The following EGFR variants were observed in gnomAD, a reference collection of about 807,000 sequenced individuals.
EGFR encodes the protein avian erythroblastic leukemia viral (v-erb-b) oncogene homolog.
Under a neutral mutation model 143.0 loss-of-function variants are expected in EGFR, and 58 were observed. The observed-to-expected ratio is 0.41, with a 90% confidence interval of 0.33 to 0.50. The LOEUF is 0.50. Among genes scored for constraint, EGFR ranks in the 20% least tolerant of loss-of-function variants. The pLI is 0.39. For synonymous variants in EGFR, 613 were observed against 594.4 expected, an observed-to-expected ratio of 1.03 and a Z score of -0.45; for missense variants, 1,307 against 1,579.0, an observed-to-expected ratio of 0.83 and a Z score of 2.92.
At chr7:55,040,767 C>T (rs547394577) in intron 1 of EGFR, among the ~76,000 whole-genome samples, 1 of 152,156 alleles carries the variant, frequency 6.6e-6, no homozygotes, top group South Asian at 2.1e-4. Context: ...TATAGAAACA[C>T]AAGAAAATTT....
At chr7:55,145,626 A>G (rs1794721606) in intron 3 of EGFR, among the ~76,000 whole-genome samples, 1 of 152,198 alleles carries the variant, frequency 6.6e-6, no homozygotes, top group African/African-American at 2.4e-5. Context: ...GGTACTCTGT[A>G]CACACAACAT....
chr7:55,182,826 A>G (rs555266375), intron 20 of EGFR, among the ~76,000 whole-genome samples: 1 of 152,134 alleles, frequency 6.6e-6, no homozygotes, highest in Non-Finnish European at 1.5e-5. Flanking sequence ...ACAGAGTAGA[A>G]CACTCCTATC....
At chr7:55,132,463 TA>T (rs1044607559) in intron 1 of EGFR, among the ~76,000 whole-genome samples, 6 of 152,066 alleles carry the variant, frequency 3.9e-5, no homozygotes, top group African/African-American at 1.4e-4. Context: ...TGGGAAGGCA[TA>T]AAAAAAAGAA....
rs1785386249 is a variant in EGFR at position 55,155,879 on chromosome 7, C to T, written c.939C>T (p.Ala313=). ...GCTCGTGCGTCCGAGCCTGTGGGGCCGACAGCTATGAGATGGAGGAAGACG... is the reference window on the plus strand; with the variant it reads ...GCTCGTGCGTCCGAGCCTGTGGGGCTGACAGCTATGAGATGGAGGAAGACG... ...DHGSCVRACG[A]DSYEMEEDGV... The change falls in exon 8 of 28, where the codon GCC becomes GCT. Residue 313 remains alanine (A), a synonymous_variant. Transcript: ENST00000275493. 3 of 1,613,896 alleles carry T rather than the reference C, an allele frequency of 1.9e-6. No individual in the cohort carries two copies. Among genetic ancestry groups the T allele is most frequent in the Non-Finnish European group, 1.7e-6 (2 of 1,180,032 alleles).
intron 1 of EGFR, among the ~76,000 whole-genome samples, chr7:55,108,506 C>T (rs1023169358): frequency 1.3e-5 from 2 of 152,144 alleles, no homozygotes; most frequent in Admixed American, 6.5e-5. Context: ...AATCTGTGGT[C>T]AGAGGTTTGT....
At chr7:55,046,019 C>T (rs1322813596) in intron 1 of EGFR, among the ~76,000 whole-genome samples, 35 of 152,152 alleles carry the variant, frequency 2.3e-4, no homozygotes, top group South Asian at 6.2e-4. Flanking sequence ...TTAAATAAAA[C>T]AGGAGATTAA....
rs566001525 is a variant in EGFR at position 55,155,855 on chromosome 7, C to T, written c.915C>T (p.Gly305=). ...GTAATTATGTGGTGACAGATCACGG[C>T]TCGTGCGTCCGAGCCTGTGGGGCCG... is the stretch of plus-strand genomic sequence containing the variant. ...CPRNYVVTDH[G]SCVRACGADS... Residue 305 remains glycine (G), a synonymous_variant, in exon 8 of 28, where the codon GGC becomes GGT. Transcript: ENST00000275493. The T allele has an allele frequency of 1.8e-5, 29 of 1,613,996 alleles. No homozygotes were observed. In the South Asian group the frequency reaches 3.0e-4, roughly 16 times the overall value.
intron 1 of EGFR, among the ~76,000 whole-genome samples, chr7:55,046,598 A>G (rs537343842): frequency 1.1e-4 from 17 of 152,300 alleles, no homozygotes; most frequent in African/African-American, 4.1e-4. Flanking sequence ...AAAAAAAAAA[A>G]AAAAACAGCA....
intron 20 of EGFR, among the ~76,000 whole-genome samples, chr7:55,182,755 G>A (rs1786948044): frequency 6.6e-6 from 1 of 152,184 alleles, no homozygotes. Context: ...GAGCGCTCAT[G>A]CTTCTCTGAG....
chr7:55,096,949 C>T (rs56367980), intron 1 of EGFR, among the ~76,000 whole-genome samples: 17,029 of 151,616 alleles, frequency 0.11, 1,250 homozygotes, highest in Non-Finnish European at 0.16. Context: ...AAGTGCTGTC[C>T]GTTCCTTACC....
At position 55,208,999 on chromosome 7, in the gene EGFR, G is replaced by T. The variant is rs1388753998; in HGVS notation, c.*3382G>T. The T allele has an allele frequency of 6.6e-6, 1 of 152,106 alleles. No individual in the cohort carries two copies. The highest frequency in any genetic ancestry group is 2.1e-4 in the South Asian group (1 of 4,818). 9.4% of individuals were successfully genotyped at this position (152,106 alleles called of 1,614,324 possible). A position where few individuals can be genotyped will look rare whatever the true frequency, so the allele number is the denominator to read the frequency against. The stretch of plus-strand genomic sequence containing the variant: ...GTGGGATCTACTTGGCACTCGCTGG[G>T]GGGCCACCCCCCAGTGCCACTCTCA... On this transcript the variant is annotated 3_prime_UTR_variant, in exon 28 of 28. Coordinates refer to ENST00000275493, the MANE Select transcript of EGFR (RefSeq NM_005228.5).
intron 20 of EGFR, chr7:55,182,531 T>A (rs1044269108): frequency 3.3e-5 from 5 of 152,232 alleles, no homozygotes; most frequent in Admixed American, 3.3e-4. Flanking sequence ...GCATCTGCCC[T>A]TGACACCACC....
intron 1 of EGFR, among the ~76,000 whole-genome samples, chr7:55,102,995 A>T (rs1174040600): frequency 6.6e-6 from 1 of 152,244 alleles, no homozygotes; most frequent in East Asian, 1.9e-4. Context: ...AGATTTTAAA[A>T]ATACTTCTGT....
intron 1 of EGFR, among the ~76,000 whole-genome samples, chr7:55,101,899 C>T (rs967363225): frequency 7.2e-5 from 11 of 152,156 alleles, no homozygotes; most frequent in Admixed American, 3.9e-4. Context: ...AATTTCTTCC[C>T]ATCCCTTTTC....
At chr7:55,103,786 A>G (rs935244735) in intron 1 of EGFR, among the ~76,000 whole-genome samples, 8 of 152,220 alleles carry the variant, frequency 5.3e-5, no homozygotes, top group Admixed American at 5.2e-4. Flanking sequence ...ACATCCTTAT[A>G]TATACTTGAA....
intron 27 of EGFR, among the ~76,000 whole-genome samples, chr7:55,204,232 A>C (rs1341421554): frequency 1.3e-5 from 2 of 148,374 alleles, no homozygotes; most frequent in African/African-American, 5.0e-5. Context: ...ACACAAACGT[A>C]CACACACACC....
Position 55,205,615 on chromosome 7 carries a change from T to G in EGFR, c.3631T>G (p.Ter1211GlyextTer6). 1 of 1,614,186 alleles carries G rather than the reference T, an allele frequency of 6.2e-7. No homozygotes were observed. The highest frequency in any genetic ancestry group is 8.5e-7 in the Non-Finnish European group (1 of 1,180,028). ...ACAAAGCAGTGAATTTATTGGAGCA[T>G]GACCACGGAGGATAGTATGAGCCCT... ...APQSSEFIGA* is the reference protein window; with the variant it reads ...APQSSEFIGAG The change falls in exon 28 of 28, where the codon TGA (stop) becomes GGA (glycine). Residue 1211 changes from the stop codon to glycine, a stop_lost. Coordinates refer to ENST00000275493, the MANE Select transcript of EGFR (RefSeq NM_005228.5).
chr7:55,089,318 C>T (rs947546576), intron 1 of EGFR, among the ~76,000 whole-genome samples: 7 of 152,314 alleles, frequency 4.6e-5, no homozygotes, highest in South Asian at 2.1e-4. Flanking sequence ...ACTGTTCATA[C>T]GTACTTCTCT....
intron 1 of EGFR, chr7:55,109,933 G>A (rs1486453995): frequency 2.8e-5 from 28 of 985,300 alleles, no homozygotes; most frequent in South Asian, 4.7e-5. Context: ...ACCTCTCCGC[G>A]CTGAGAAGGT....
Sources: allele counts gnomAD v4.1 joint callset (sites outside exome capture counted in the v4.1 genomes callset), GRCh38; gene constraint gnomAD v4.1.1; transcripts MANE v1.5; gene names NCBI Gene and HGNC (gene_info 2026-07-23, HGNC 2026-07-21).